NAALADL2: variants seen among roughly 807,000 people sequenced by gnomAD.
The protein encoded by NAALADL2 is inactive N-acetylated-alpha-linked acidic dipeptidase-like protein 2.
Under a neutral mutation model 87.2 loss-of-function variants are expected in NAALADL2, and 76 were observed. The ratio of observed to expected loss-of-function variants is 0.87; its 90% confidence interval spans 0.72 to 1.05. NAALADL2 has a LOEUF of 1.05. NAALADL2 is among the 50% of genes least tolerant of loss of function. The pLI is 0.00. For missense variants in NAALADL2, 1,089 were observed against 945.8 expected (o/e 1.15, Z -1.99); for synonymous variants, 354 against 331.0 (o/e 1.07, Z -0.75).
rs566397310 is a variant in NAALADL2 at position 175,581,466 on chromosome 3, G to A, written c.1800+5279G>A. ...CTAAATAAATAAATAAATAAAGCCT[G>A]AATACAAGACAATTGGATTTTCATA... On this transcript the variant is annotated intron_variant, in intron 10 of 13. Coordinates refer to ENST00000454872, the MANE Select transcript of NAALADL2 (RefSeq NM_207015.3). 3.4e-4 allele frequency among the ~76,000 whole-genome samples: 52 copies of A among 152,138 alleles called. No individual in the cohort carries two copies. The South Asian group carries it at 0.01, about 30-fold the overall frequency.
chr3:175,420,225 C>T (rs1411767581), intron 5 of NAALADL2, among the ~76,000 whole-genome samples: 1 of 151,974 alleles, frequency 6.6e-6, no homozygotes, highest in Non-Finnish European at 1.5e-5. Context: ...ATTCTTGTCT[C>T]TTCTGCATGT....
intron 2 of NAALADL2, among the ~76,000 whole-genome samples, chr3:174,557,213 G>A (rs1346972437): frequency 1.3e-5 from 2 of 151,862 alleles, no homozygotes; most frequent in South Asian, 4.2e-4. Context: ...ATAAAAACTC[G>A]ATTTTCTTAA....
intron 3 of NAALADL2, among the ~76,000 whole-genome samples, chr3:174,768,952 A>G (rs1411878603): frequency 1.3e-5 from 2 of 151,932 alleles, no homozygotes; most frequent in Admixed American, 1.3e-4. Context: ...CTTTAATTTC[A>G]TTAACTTATC....
intron 4 of NAALADL2, among the ~76,000 whole-genome samples, chr3:175,301,465 TGTC>T (rs1447724636): frequency 1.3e-5 from 2 of 152,200 alleles, no homozygotes; most frequent in East Asian, 3.8e-4. Flanking sequence ...CGCATGTAGC[TGTC>T]TTTTCTGTTT....
intron 1 of NAALADL2, among the ~76,000 whole-genome samples, chr3:174,995,786 GAA>G (rs547943890): frequency 8.8e-5 from 12 of 136,868 alleles, no homozygotes; most frequent in South Asian, 2.3e-4. Flanking sequence ...CGCTATTACT[GAA>G]AAAAAAAAAA....
At chr3:175,468,748 T>G (rs1724451751) in intron 8 of NAALADL2, among the ~76,000 whole-genome samples, 1 of 152,044 alleles carries the variant, frequency 6.6e-6, no homozygotes, top group African/African-American at 2.4e-5. Context: ...AAGGTAAACA[T>G]CTCAAACCCC....
intron 2 of NAALADL2, among the ~76,000 whole-genome samples, chr3:174,595,475 G>A (rs916237298): frequency 2.6e-5 from 4 of 152,080 alleles, no homozygotes; most frequent in Admixed American, 2.0e-4. Flanking sequence ...TAAGTTACAC[G>A]GAAGGAAAAT....
At chr3:175,311,061 T>G (rs1036508949) in intron 4 of NAALADL2, among the ~76,000 whole-genome samples, 2 of 152,098 alleles carry the variant, frequency 1.3e-5, no homozygotes, top group African/African-American at 4.8e-5. Flanking sequence ...ATGAATGCTC[T>G]TTATTCTTTT....
At chr3:175,427,046 A>G (rs1320510198) in intron 5 of NAALADL2, among the ~76,000 whole-genome samples, 3 of 152,226 alleles carry the variant, frequency 2.0e-5, no homozygotes, top group Admixed American at 1.3e-4. Context: ...ACTCTGGTAG[A>G]TACTTCAGAG....
chr3:174,875,675 AT>A (rs1427771539), intron 1 of NAALADL2, among the ~76,000 whole-genome samples: 20 of 152,154 alleles, frequency 1.3e-4, no homozygotes, highest in Admixed American at 3.3e-4. Context: ...AAGAAAAAAA[AT>A]GTGTGTCCCT....
In NAALADL2 at chr3:174,769,003, G is replaced by A. The variant is rs1026266781; in HGVS notation, c.-9+31257G>A. 4.6e-5 allele frequency among the ~76,000 whole-genome samples: 7 copies of A among 151,536 alleles called. No individual in the cohort carries two copies. In the South Asian group the frequency reaches 1.2e-3, roughly 27 times the overall value. ...TCTTTTTTTCTTTTTAAAATTTCAG[G>A]TTGAATGGTTAACATTGATTTATTT... On this transcript the variant is annotated intron_variant, in intron 3 of 3. Transcript: ENST00000434257.
chr3:175,629,550 T>C (rs1318548351), intron 11 of NAALADL2, among the ~76,000 whole-genome samples: 1 of 151,484 alleles, frequency 6.6e-6, no homozygotes, highest in African/African-American at 2.4e-5. Context: ...ATCAGTAAAA[T>C]CAAGGATTTT....
intron 5 of NAALADL2, among the ~76,000 whole-genome samples, chr3:175,374,115 T>A (rs1351841269): frequency 6.6e-6 from 1 of 152,160 alleles, no homozygotes; most frequent in Non-Finnish European, 1.5e-5. Flanking sequence ...TTCTTTATAA[T>A]TACTTTTTAA....
chr3:175,066,015 G>A (rs569782941), intron 1 of NAALADL2, among the ~76,000 whole-genome samples: 3 of 152,198 alleles, frequency 2.0e-5, no homozygotes, highest in Admixed American at 6.6e-5. Flanking sequence ...CAGTGTAACC[G>A]AATGCACTTT....
chr3:174,503,478 G>C (rs1199859535), intron 1 of NAALADL2, among the ~76,000 whole-genome samples: 2 of 151,944 alleles, frequency 1.3e-5, no homozygotes, highest in African/African-American at 2.4e-5. Context: ...ATTTATTTTT[G>C]GAGATCTGAC....
At chr3:175,521,484 T>C (rs1326863563) in intron 9 of NAALADL2, among the ~76,000 whole-genome samples, 1 of 152,144 alleles carries the variant, frequency 6.6e-6, no homozygotes, top group East Asian at 1.9e-4. Context: ...GTGCTTTGGG[T>C]TGAATTGTGT....
intron 2 of NAALADL2, among the ~76,000 whole-genome samples, chr3:175,124,059 C>T (rs186803400): frequency 5.3e-5 from 8 of 151,992 alleles, no homozygotes; most frequent in East Asian, 3.9e-4. Flanking sequence ...TTTTGCCCAT[C>T]TCTTGTGTTT....
intron 1 of NAALADL2, among the ~76,000 whole-genome samples, chr3:175,092,428 C>T (rs1013387911): frequency 9.2e-5 from 14 of 151,862 alleles, no homozygotes; most frequent in African/African-American, 3.1e-4. Flanking sequence ...TCGTAAGTGG[C>T]ATAAGTAATA....
chr3:174,564,968 A>C (rs1483407616), intron 2 of NAALADL2, among the ~76,000 whole-genome samples: 3 of 151,940 alleles, frequency 2.0e-5, no homozygotes, highest in African/African-American at 7.2e-5. Context: ...TAGAAAATTG[A>C]TAGACTTTTT....
Sources: allele counts gnomAD v4.1 joint callset (sites outside exome capture counted in the v4.1 genomes callset), GRCh38; gene constraint gnomAD v4.1.1; transcripts MANE v1.5; gene names NCBI Gene and HGNC (gene_info 2026-07-23, HGNC 2026-07-21).